The following SHC3 variants were observed in gnomAD, a reference collection of about 807,000 sequenced individuals.
The protein encoded by SHC3 is SHC adaptor protein 3, also known as SHC-transforming protein 3.
A neutral mutation model predicts 60.4 loss-of-function variants in SHC3; 15 were observed. That is an observed-to-expected ratio of 0.25 (90% CI 0.17 to 0.38). The LOEUF (loss-of-function observed/expected upper bound fraction) is 0.38, where lower values mean the gene tolerates loss of function less well. SHC3 is among the 10% of genes least tolerant of loss of function. The pLI is 1.00. For missense variants in SHC3, 677 were observed against 786.1 expected (o/e 0.86, Z 1.66); for synonymous variants, 294 against 325.9 (o/e 0.90, Z 1.05).
At chr9:89,023,551 T>C (rs910660062) in intron 11 of SHC3, among the ~76,000 whole-genome samples, 17 of 152,346 alleles carry the variant, frequency 1.1e-4, no homozygotes, top group African/African-American at 4.1e-4. Flanking sequence ...AGAAAACTGC[T>C]TGGCTTGGGG....
At chr9:89,160,474 C>A (rs752750126) in intron 1 of SHC3, among the ~76,000 whole-genome samples, 3 of 152,166 alleles carry the variant, frequency 2.0e-5, no homozygotes, top group Admixed American at 2.0e-4. Context: ...AATCACCCTG[C>A]GCCTCTTTAA....
intron 6 of SHC3, among the ~76,000 whole-genome samples, chr9:89,056,042 A>C (rs1564105581): frequency 6.6e-6 from 1 of 152,218 alleles, no homozygotes; most frequent in Non-Finnish European, 1.5e-5. Context: ...TCAAGACACA[A>C]CCACATTAGG....
intron 2 of SHC3, among the ~76,000 whole-genome samples, chr9:89,085,229 G>A (rs1351560682): frequency 6.6e-6 from 1 of 152,206 alleles, no homozygotes; most frequent in African/African-American, 2.4e-5. Context: ...TGCATCCCAT[G>A]AAGCTCAGGG....
At position 89,165,343 on chromosome 9, in the gene SHC3, G is replaced by T. The variant is rs561305261; in HGVS notation, c.474+12644C>A. ...CATTTTTGGGGATTATCTCTGAGAA[G>T]AATAAAATTAGTAAGTGTCAGGAAG... On this transcript the variant is annotated intron_variant, in intron 1 of 11. Transcript: ENST00000375835. Among the ~76,000 whole-genome samples, 9 of 152,002 alleles carry T rather than the reference G, an allele frequency of 5.9e-5. No homozygotes were observed. The South Asian group carries it at 1.9e-3, about 32-fold the overall frequency.
chr9:89,174,962 C>T (rs1227523357), intron 1 of SHC3, among the ~76,000 whole-genome samples: 1 of 152,166 alleles, frequency 6.6e-6, no homozygotes, highest in Non-Finnish European at 1.5e-5. Context: ...CCAGCAGCCT[C>T]CTTGAGTGAT....
chr9:89,055,388 T>C (rs780066477), intron 6 of SHC3, among the ~76,000 whole-genome samples: 5 of 152,244 alleles, frequency 3.3e-5, no homozygotes, highest in Non-Finnish European at 7.3e-5. Context: ...ACACCCTACC[T>C]GTGACACCTA....
intron 4 of SHC3, 94 bp downstream of exon 4, chr9:89,075,015 T>C: frequency 1.3e-6 from 2 of 1,491,154 alleles, no homozygotes; most frequent in Non-Finnish European, 1.8e-6. Flanking sequence ...CAAAATATGC[T>C]ATGTGAGCTC....
At chr9:89,073,194 C>A (rs1290407736) in intron 4 of SHC3, among the ~76,000 whole-genome samples, 2 of 152,006 alleles carry the variant, frequency 1.3e-5, no homozygotes, top group Middle Eastern at 3.2e-3. Flanking sequence ...TAAGGCAGGT[C>A]TAAAACTGGA....
chr9:89,086,262 A>G (rs1825528418), intron 2 of SHC3, among the ~76,000 whole-genome samples: 1 of 152,164 alleles, frequency 6.6e-6, no homozygotes, highest in Non-Finnish European at 1.5e-5. Context: ...TCCGATGCCA[A>G]TCTCAGTCCC....
In SHC3 at chr9:89,105,158, T is replaced by C. The variant is rs575808658; in HGVS notation, c.545+7398A>G. Among the ~76,000 whole-genome samples the C allele has an allele frequency of 4.6e-5, 7 of 152,296 alleles. No individual in the cohort carries two copies. In the South Asian group the frequency reaches 1.5e-3, roughly 32 times the overall value. On this transcript the variant is annotated intron_variant, in intron 2 of 11. Transcript: ENST00000375835. ...ACAGTGGTCAGCAAATCCATCTTGA[T>C]GGTCTTGTAATGATGCCCCTCTGTA... is the stretch of plus-strand genomic sequence containing the variant.
chr9:89,084,894 G>C (rs901492417), intron 2 of SHC3, among the ~76,000 whole-genome samples: 1 of 152,200 alleles, frequency 6.6e-6, no homozygotes, highest in East Asian at 1.9e-4. Context: ...GACCCATGAG[G>C]GGCTGGACTG....
At chr9:89,096,370 G>A (rs988904021) in intron 2 of SHC3, among the ~76,000 whole-genome samples, 9 of 152,096 alleles carry the variant, frequency 5.9e-5, no homozygotes, top group Non-Finnish European at 1.2e-4. Flanking sequence ...CCCACTAAAC[G>A]TACAAGAGTT....
At chr9:89,105,562 T>C (rs1298357418) in intron 2 of SHC3, among the ~76,000 whole-genome samples, 1 of 152,186 alleles carries the variant, frequency 6.6e-6, no homozygotes, top group Non-Finnish European at 1.5e-5. Flanking sequence ...TATTTCCCTC[T>C]CCCCATAACA....
At chr9:89,076,299 G>A (rs143716593) in intron 3 of SHC3, among the ~76,000 whole-genome samples, 221 of 152,246 alleles carry the variant, frequency 1.5e-3, no homozygotes, top group Non-Finnish European at 2.5e-3. Flanking sequence ...GTTCTCTTCC[G>A]AAACCCAGCT....
At chr9:89,164,720 C>G (rs1826760998) in intron 1 of SHC3, among the ~76,000 whole-genome samples, 1 of 151,740 alleles carries the variant, frequency 6.6e-6, no homozygotes, top group South Asian at 2.1e-4. Flanking sequence ...CTGAAAAAAA[C>G]CTGATATAAT....
intron 2 of SHC3, chr9:89,109,363 G>A: frequency 1.0e-6 from 1 of 958,832 alleles, no homozygotes; most frequent in Non-Finnish European, 1.2e-6. Context: ...TCCAGCGAGG[G>A]TGCACACCCA....
chr9:89,087,316 T>G (rs965193364), intron 2 of SHC3, among the ~76,000 whole-genome samples: 7 of 152,208 alleles, frequency 4.6e-5, no homozygotes, highest in African/African-American at 1.7e-4. Flanking sequence ...CATAGCATAA[T>G]TTCTCCAACA....
chr9:89,118,635 A>C (rs1826049813), intron 1 of SHC3, among the ~76,000 whole-genome samples: 1 of 152,146 alleles, frequency 6.6e-6, no homozygotes, highest in South Asian at 2.1e-4. Context: ...TAGGAAAAAA[A>C]AAAAAGACAG....
intron 5 of SHC3, among the ~76,000 whole-genome samples, chr9:89,067,135 C>A (rs1288200408): frequency 2.0e-5 from 3 of 152,184 alleles, no homozygotes; most frequent in East Asian, 3.8e-4. Context: ...AGATCGTCCA[C>A]CTGGTCAAAC....
Sources: allele counts gnomAD v4.1 joint callset (sites outside exome capture counted in the v4.1 genomes callset), GRCh38; gene constraint gnomAD v4.1.1; transcripts MANE v1.5; gene names NCBI Gene and HGNC (gene_info 2026-07-23, HGNC 2026-07-21).